The following DACH2 variants were observed in gnomAD, a reference collection of about 807,000 sequenced individuals.
DACH2 encodes dachshund homolog 2.
A neutral mutation model predicts 35.8 loss-of-function variants in DACH2; 17 were observed. The ratio of observed to expected loss-of-function variants is 0.48; its 90% CI spans 0.33 to 0.71. The LOEUF (loss-of-function observed/expected upper bound fraction) is 0.71. DACH2 is among the 30% of genes least tolerant of loss of function. The pLI, the probability that DACH2 is intolerant of heterozygous loss-of-function variation, is 0.02. For synonymous variants in DACH2, 195 were observed against 177.3 expected (o/e 1.10, Z -0.79); for missense variants, 469 against 472.7 (o/e 0.99, Z 0.07).
At chrX:86,563,691 A>C (rs2039256048) in intron 3 of DACH2, among the ~76,000 whole-genome samples, 1 of 109,868 alleles carries the variant, frequency 9.1e-6, no homozygotes, top group African/African-American at 3.3e-5. Flanking sequence ...TACTCCAGTC[A>C]CTCACTAGTT....
At chrX:86,202,655 G>T (rs2032186371) in intron 1 of DACH2, among the ~76,000 whole-genome samples, 1 of 111,240 alleles carries the variant, frequency 9.0e-6, no homozygotes, top group African/African-American at 3.3e-5. Context: ...TCAGAAGAAA[G>T]ATTGGTTAGA....
chrX:86,597,818 A>C (rs1415389724), intron 3 of DACH2, among the ~76,000 whole-genome samples: 1 of 112,041 alleles, frequency 8.9e-6, no homozygotes. Context: ...GAGGCTTTGC[A>C]TCATTACTCC....
intron 1 of DACH2, chrX:86,263,003 C>A (rs916930865): frequency 2.7e-6 from 2 of 750,930 alleles, no homozygotes; most frequent in African/African-American, 4.6e-5. Context: ...GCAGCCAAAG[C>A]AGTGGAAGGT....
At chrX:86,249,705 A>G (rs772141063) in intron 1 of DACH2, among the ~76,000 whole-genome samples, 2 of 111,598 alleles carry the variant, frequency 1.8e-5, no homozygotes, top group South Asian at 7.5e-4. Flanking sequence ...TACTGGGTAT[A>G]TACCCAAAGG....
At chrX:86,474,379 T>C (rs1474397983) in intron 2 of DACH2, among the ~76,000 whole-genome samples, 2 of 112,034 alleles carry the variant, frequency 1.8e-5, no homozygotes, top group Non-Finnish European at 3.8e-5. Context: ...ATCATACTTA[T>C]CAATTTTTAC....
intron 5 of DACH2, among the ~76,000 whole-genome samples, chrX:86,698,214 T>C (rs988343709): frequency 9.0e-6 from 1 of 110,512 alleles, no homozygotes; most frequent in Non-Finnish European, 1.9e-5. Flanking sequence ...TGTATACCCC[T>C]ACTATCTAAC....
chrX:86,466,945 C>A (rs185625804), intron 2 of DACH2, among the ~76,000 whole-genome samples: 3 of 111,401 alleles, frequency 2.7e-5, no homozygotes, highest in Non-Finnish European at 5.7e-5. Flanking sequence ...AACAAAACCG[C>A]TTTTTCCTCC....
chrX:86,829,758 T>TA (rs1228377761), intron 11 of DACH2: 1 of 112,524 alleles, frequency 8.9e-6, no homozygotes, highest in Non-Finnish European at 1.9e-5. Flanking sequence ...GTTTTTACTT[T>TA]AAAAATGGTC....
intron 2 of DACH2, among the ~76,000 whole-genome samples, chrX:86,392,396 T>A (rs962857678): frequency 9.0e-6 from 1 of 111,527 alleles, no homozygotes; most frequent in East Asian, 2.8e-4. Context: ...AAGTACTAAA[T>A]AAAGAAAGGG....
intron 2 of DACH2, among the ~76,000 whole-genome samples, chrX:86,477,734 C>T (rs1334627759): frequency 9.0e-6 from 1 of 110,815 alleles, no homozygotes; most frequent in Non-Finnish European, 1.9e-5. Flanking sequence ...GTGATCCTCT[C>T]CTCCTTCTTT....
chrX:86,581,280 G>T (rs760403178), intron 3 of DACH2, among the ~76,000 whole-genome samples: 1 of 111,709 alleles, frequency 9.0e-6, no homozygotes, highest in Non-Finnish European at 1.9e-5. Flanking sequence ...ACACACCTGA[G>T]TACATAGATC....
At chrX:86,756,483 T>A (rs1374158303) in intron 7 of DACH2, among the ~76,000 whole-genome samples, 8 of 109,944 alleles carry the variant, frequency 7.3e-5, no homozygotes, top group East Asian at 2.8e-4. Context: ...GTTTTTTTTT[T>A]TTTTTATTTT....
intron 2 of DACH2, among the ~76,000 whole-genome samples, chrX:86,474,430 C>T (rs777160524): frequency 2.7e-5 from 3 of 111,194 alleles, no homozygotes; most frequent in Non-Finnish European, 5.7e-5. Flanking sequence ...AAAATTTTGC[C>T]CAGATCAATG....
At chrX:86,518,308 A>G (rs1001693755) in intron 3 of DACH2, among the ~76,000 whole-genome samples, 9 of 111,767 alleles carry the variant, frequency 8.1e-5, no homozygotes, top group African/African-American at 2.9e-4. Flanking sequence ...GCCTTGTAGT[A>G]TAGTTTGAAG....
At chrX:86,149,863 C>T (rs1030147344) in intron 1 of DACH2, among the ~76,000 whole-genome samples, 1 of 111,942 alleles carries the variant, frequency 8.9e-6, no homozygotes, top group African/African-American at 3.2e-5. Flanking sequence ...GGGCATGAAC[C>T]ACTGTGGCTG....
At position 86,184,660 on chromosome X, in the gene DACH2, T is replaced by C. The variant is rs201102352; in HGVS notation, c.488+35552T>C. ...TCTTACTTTATAATGGTAAAATGAA[T>C]ATTTTTATTATTTATTATTTACACA... On this transcript the variant is annotated intron_variant, in intron 1 of 11. Coordinates refer to ENST00000373125, the MANE Select transcript of DACH2 (RefSeq NM_053281.3). Among the ~76,000 whole-genome samples, 8 of 111,992 alleles carry C rather than the reference T, an allele frequency of 7.1e-5. No individual in the cohort carries two copies. In the East Asian group the frequency reaches 2.2e-3, roughly 31 times the overall value.
chrX:86,705,584 A>T (rs866246010), intron 5 of DACH2, among the ~76,000 whole-genome samples: 51 of 111,337 alleles, frequency 4.6e-4, no homozygotes, highest in Non-Finnish European at 7.9e-4. Context: ...TAAAATTTTT[A>T]AAAAATATAG....
chrX:86,295,939 G>A (rs1018446754), intron 1 of DACH2, among the ~76,000 whole-genome samples: 7 of 110,628 alleles, frequency 6.3e-5, no homozygotes, highest in Non-Finnish European at 1.1e-4. Flanking sequence ...GTGTGTGTGT[G>A]TATAGATAGT....
At chrX:86,203,545 G>A (rs975197615) in intron 1 of DACH2, among the ~76,000 whole-genome samples, 2 of 111,668 alleles carry the variant, frequency 1.8e-5, no homozygotes, top group South Asian at 3.7e-4. Context: ...TGTATACAAT[G>A]TGGATAATAG....
Sources: allele counts gnomAD v4.1 joint callset (sites outside exome capture counted in the v4.1 genomes callset), GRCh38; gene constraint gnomAD v4.1.1; transcripts MANE v1.5; gene names NCBI Gene and HGNC (gene_info 2026-07-23, HGNC 2026-07-21).